The following DYNC1LI1 variants were observed in gnomAD, a reference collection of about 807,000 sequenced individuals.
DYNC1LI1 encodes the protein cytoplasmic dynein 1 light intermediate chain 1.
Under a neutral mutation model 63.8 loss-of-function variants are expected in DYNC1LI1, and 19 were observed. The observed-to-expected ratio is 0.30, with a 90% confidence interval of 0.21 to 0.44. The LOEUF (loss-of-function observed/expected upper bound fraction) is 0.44. Among genes scored for constraint, DYNC1LI1 ranks in the 20% least tolerant of loss-of-function variants. The pLI, the probability that DYNC1LI1 is intolerant of heterozygous loss-of-function variation, is 1.00. For synonymous variants in DYNC1LI1, 225 were observed against 232.3 expected, an observed-to-expected ratio of 0.97 and a Z score of 0.28; for missense variants, 565 against 630.2, an observed-to-expected ratio of 0.90 and a Z score of 1.11.
At position 32,544,859 on chromosome 3, in the gene DYNC1LI1, G is replaced by A; in HGVS notation, c.568+17C>T. On this transcript the variant is annotated intron_variant, in intron 4 of 12. Transcript: ENST00000273130. ...TTTTGTATTTGAAACCTACATTACT[G>A]TTTCTAGATTACTTACACTTTTGTT... 6.5e-7 allele frequency: 1 copy of A among 1,546,336 alleles called. No individual in the cohort carries two copies. Among genetic ancestry groups the A allele is most frequent in the Non-Finnish European group, 8.9e-7 (1 of 1,120,094 alleles).
chr3:32,544,735 C>G (rs1364300890), intron 4 of DYNC1LI1, 141 bp downstream of exon 4: 2 of 622,276 alleles, frequency 3.2e-6, no homozygotes, highest in Non-Finnish European at 5.5e-6. Flanking sequence ...GAACAAGACT[C>G]TTGTCTCCAA....
At chr3:32,546,463 C>T (rs2125438487) in intron 2 of DYNC1LI1, among the ~76,000 whole-genome samples, 1 of 152,266 alleles carries the variant, frequency 6.6e-6, no homozygotes, top group Middle Eastern at 3.4e-3. Context: ...GATTCTCTCT[C>T]CGTCTTGTTA....
At chr3:32,541,336 T>A in intron 4 of DYNC1LI1, 130 bp from the exon 5 acceptor site, 3 of 599,936 alleles carry the variant, frequency 5.0e-6, no homozygotes, top group Non-Finnish European at 8.6e-6. Flanking sequence ...CAAAAAGGGT[T>A]TGAGAAACCT....
intron 12 of DYNC1LI1, among the ~76,000 whole-genome samples, chr3:32,527,548 T>C (rs1697637624): frequency 1.3e-5 from 2 of 152,194 alleles, no homozygotes; most frequent in Admixed American, 6.5e-5. Flanking sequence ...CGAACTTTCC[T>C]AACCTGCTGA....
chr3:32,533,178 T>TA lies in DYNC1LI1; in HGVS notation c.969-82dup, dbSNP rs923720348. On this transcript the variant is annotated intron_variant, in intron 7 of 12. Transcript: ENST00000273130. The stretch of plus-strand genomic sequence containing the variant: ...TCAGTCCAAGATCATGTAAAAGGAA[T>TA]ACTTTCATGAAGTCAATTTGAACAA... The TA allele has an allele frequency of 4.9e-6, 7 of 1,438,322 alleles. No homozygotes were observed. The African/African-American group carries it at 7.4e-5, about 15-fold the overall frequency. The allele number at this position is 1,438,322 out of a possible 1,614,324, so 89.1% of individuals were successfully genotyped here.
intron 2 of DYNC1LI1, among the ~76,000 whole-genome samples, chr3:32,552,460 G>T (rs571914785): frequency 6.6e-6 from 1 of 152,018 alleles, no homozygotes; most frequent in East Asian, 1.9e-4. Context: ...GAGACCCCCA[G>T]CTTTTCTTCC....
At chr3:32,528,360 G>GAATTATACACT in intron 12 of DYNC1LI1, 86 bp downstream of exon 12, 1 of 1,486,026 alleles carries the variant, frequency 6.7e-7, no homozygotes, top group African/African-American at 1.4e-5. Flanking sequence ...CAAAACCACA[G>GAATTATACACT]AATTATACAC....
At chr3:32,562,364 A>G (rs1050776676) in intron 2 of DYNC1LI1, among the ~76,000 whole-genome samples, 2 of 152,190 alleles carry the variant, frequency 1.3e-5, no homozygotes, top group African/African-American at 4.8e-5. Context: ...TTTTGGGACA[A>G]GGTCCCGCTC....
At chr3:32,553,870 C>A (rs1698076656) in intron 2 of DYNC1LI1, among the ~76,000 whole-genome samples, 1 of 152,230 alleles carries the variant, frequency 6.6e-6, no homozygotes, top group Non-Finnish European at 1.5e-5. Flanking sequence ...GCACATTCTT[C>A]CTAATACTCA....
chr3:32,550,757 T>C (rs80091964), intron 2 of DYNC1LI1, among the ~76,000 whole-genome samples: 3,547 of 152,132 alleles, frequency 0.023, 143 homozygotes, highest in African/African-American at 0.081. Context: ...CCAGTAAATA[T>C]TGAGTGGGGC....
intron 2 of DYNC1LI1, among the ~76,000 whole-genome samples, chr3:32,552,760 C>T (rs533606132): frequency 6.6e-6 from 1 of 152,282 alleles, no homozygotes; most frequent in Admixed American, 6.5e-5. Flanking sequence ...GGCTGGAGTG[C>T]AGGGGTGCGA....
chr3:32,550,564 A>G (rs76214940), intron 2 of DYNC1LI1, among the ~76,000 whole-genome samples: 2,142 of 152,304 alleles, frequency 0.014, 44 homozygotes, highest in African/African-American at 0.049. Context: ...TCCACTTATC[A>G]TAAGATCAGA....
intron 2 of DYNC1LI1, among the ~76,000 whole-genome samples, chr3:32,558,985 G>A (rs779919492): frequency 3.3e-5 from 5 of 151,712 alleles, no homozygotes; most frequent in Non-Finnish European, 7.4e-5. Context: ...CTTCTAAATC[G>A]AGGAGAGTAA....
Position 32,532,844 on chromosome 3 carries a change from T to A in DYNC1LI1, c.1080+142A>T. ...ACAAATCCTTATGTAAACTGTACAT[T>A]AGAAACACACCAAAATTATACTTAG... On this transcript the variant is annotated intron_variant, in intron 8 of 12. Transcript: ENST00000273130. 5 of 1,341,446 alleles carry A rather than the reference T, an allele frequency of 3.7e-6. No homozygotes were observed. In the South Asian group the frequency reaches 7.4e-5, roughly 20 times the overall value. The allele number at this position is 1,341,446 out of a possible 1,614,324, so 83.1% of individuals were successfully genotyped here.
chr3:32,548,162 G>A (rs977776913), intron 2 of DYNC1LI1, among the ~76,000 whole-genome samples: 6 of 151,950 alleles, frequency 3.9e-5, no homozygotes, highest in African/African-American at 1.2e-4. Context: ...GCTGTGGACC[G>A]GTACCAGTCT....
chr3:32,533,136 T>C (rs758212586), intron 7 of DYNC1LI1, 39 bp from the exon 8 acceptor site: 1 of 1,566,826 alleles, frequency 6.4e-7, no homozygotes, highest in Non-Finnish European at 8.6e-7. Context: ...CAAGCATTTA[T>C]ATAGTCATTC....
At chr3:32,555,515 G>A (rs7621564) in intron 2 of DYNC1LI1, among the ~76,000 whole-genome samples, 21,868 of 152,202 alleles carry the variant, frequency 0.14, 1,751 homozygotes, top group Middle Eastern at 0.21. Context: ...CATATTGTTT[G>A]TTAAACTGTT....
chr3:32,564,873 C>T (rs779538305), intron 2 of DYNC1LI1, among the ~76,000 whole-genome samples: 6 of 152,286 alleles, frequency 3.9e-5, no homozygotes, highest in Non-Finnish European at 8.8e-5. Context: ...GAAAACCATA[C>T]ACTCCCTTGC....
Position 32,530,301 on chromosome 3 carries a change from C to T in DYNC1LI1, c.1168G>A (p.Ala390Thr). 2 of 1,602,370 alleles carry T rather than the reference C, an allele frequency of 1.2e-6. No homozygotes were observed. The highest frequency in any genetic ancestry group is 1.1e-5 in the South Asian group (1 of 89,472). Residue 390 changes from alanine (A) to threonine (T), a missense_variant, in exon 10 of 13, where the codon GCA (alanine) becomes ACA (threonine). By Grantham distance (58) the Ala-to-Thr change is moderately conservative (BLOSUM62 0). Coordinates refer to ENST00000273130, the MANE Select transcript of DYNC1LI1 (RefSeq NM_016141.4). ...QSLLAKQPPT[A>T]AGRPVDASPR... ...ATACTGACCACAGGCCTTCCAGCTG[C>T]AGTTGGTGGTTGCTTTGCTAAAAGG...
Sources: allele counts gnomAD v4.1 joint callset (sites outside exome capture counted in the v4.1 genomes callset), GRCh38; gene constraint gnomAD v4.1.1; transcripts MANE v1.5; gene names NCBI Gene and HGNC (gene_info 2026-07-23, HGNC 2026-07-21).